Variants in SPOCK3 observed in about 807,000 individuals in gnomAD.
SPOCK3 encodes the protein testican-3.
SPOCK3 carries 30 observed loss-of-function variants against 56.6 expected under a neutral mutation model. The ratio of observed to expected loss-of-function variants is 0.53; its 90% CI spans 0.40 to 0.72. The LOEUF (loss-of-function observed/expected upper bound fraction) is 0.72. Ranked by LOEUF, SPOCK3 falls within the 30% of genes least tolerant of loss-of-function variation. The probability of loss-of-function intolerance (pLI) is 0.00; values close to 1 mark genes in which losing one functional copy is unlikely to be tolerated. For synonymous variants in SPOCK3, 196 were observed against 183.3 expected (o/e 1.07, Z -0.56); for missense variants, 527 against 530.0 (o/e 0.99, Z 0.06).
intron 4 of SPOCK3, among the ~76,000 whole-genome samples, chr4:166,917,573 T>C (rs927019151): frequency 2.0e-5 from 3 of 152,194 alleles, no homozygotes; most frequent in Admixed American, 1.3e-4. Context: ...TCTAAAAATC[T>C]GACTTAAAAT....
intron 4 of SPOCK3, among the ~76,000 whole-genome samples, chr4:166,951,309 C>A (rs1415405790): frequency 2.2e-5 from 3 of 137,104 alleles, no homozygotes; most frequent in Admixed American, 2.1e-4. Flanking sequence ...AACACCTCTA[C>A]GCAAAAAAAC....
At chr4:166,877,055 A>C (rs1733169932) in intron 6 of SPOCK3, among the ~76,000 whole-genome samples, 1 of 152,158 alleles carries the variant, frequency 6.6e-6, no homozygotes, top group Admixed American at 6.5e-5. Flanking sequence ...GTTACAATAG[A>C]AACAACCAAA....
intron 2 of SPOCK3, among the ~76,000 whole-genome samples, chr4:167,130,177 C>T (rs1762591581): frequency 6.6e-6 from 1 of 152,056 alleles, no homozygotes; most frequent in South Asian, 2.1e-4. Flanking sequence ...TGTTGCCCAA[C>T]CTGGTCTCAA....
At chr4:166,807,337 G>A (rs1486945264) in intron 6 of SPOCK3, among the ~76,000 whole-genome samples, 1 of 151,754 alleles carries the variant, frequency 6.6e-6, no homozygotes, top group African/African-American at 2.4e-5. Context: ...CAGGGTCAGT[G>A]GATTCTCAAG....
At chr4:167,014,844 T>C (rs1750453803) in intron 3 of SPOCK3, among the ~76,000 whole-genome samples, 2 of 152,024 alleles carry the variant, frequency 1.3e-5, no homozygotes, top group Non-Finnish European at 2.9e-5. Context: ...GTGAGAGAAA[T>C]GTTCTTAAAT....
At position 166,792,292 on chromosome 4, in the gene SPOCK3, A is replaced by C; in HGVS notation, c.590-3T>G. ...CCTGAACTCCAGGTCACTGCATGCT[A>C]AAAACAGAGAAACAACACAAGTCTT... On this transcript the variant is annotated splice_polypyrimidine_tract_variant and splice_region_variant and intron_variant, in intron 6 of 10. Coordinates refer to ENST00000357545, the MANE Select transcript of SPOCK3 (RefSeq NM_001040159.2). The C allele has an allele frequency of 6.2e-7, 1 of 1,613,466 alleles. No homozygotes were observed. Among genetic ancestry groups the C allele is most frequent in the Non-Finnish European group, 8.5e-7 (1 of 1,179,510 alleles).
chr4:166,912,517 A>G, intron 5 of SPOCK3, 103 bp downstream of exon 5: 1 of 1,129,446 alleles, frequency 8.9e-7, no homozygotes. Flanking sequence ...TTATAAGTTA[A>G]ATGAATAATT....
intron 8 of SPOCK3, among the ~76,000 whole-genome samples, chr4:166,744,493 A>C (rs888013954): frequency 1.3e-5 from 2 of 152,184 alleles, no homozygotes; most frequent in African/African-American, 4.8e-5. Context: ...ACCATCATCA[A>C]AGACCAAAGG....
intron 2 of SPOCK3, among the ~76,000 whole-genome samples, chr4:167,211,449 G>A (rs982241365): frequency 1.4e-4 from 22 of 152,092 alleles, no homozygotes; most frequent in African/African-American, 4.6e-4. Context: ...GGCCAGGGGC[G>A]GAATGACATG....
chr4:166,894,777 T>G (rs1464914639), intron 5 of SPOCK3, among the ~76,000 whole-genome samples: 2 of 152,176 alleles, frequency 1.3e-5, no homozygotes, highest in Admixed American at 1.3e-4. Flanking sequence ...TTCTCTCAGA[T>G]GTACTATATC....
At chr4:166,826,701 TC>T (rs1202153665) in intron 6 of SPOCK3, among the ~76,000 whole-genome samples, 1 of 152,172 alleles carries the variant, frequency 6.6e-6, no homozygotes, top group Non-Finnish European at 1.5e-5. Flanking sequence ...AATGCCCACA[TC>T]CCATATTTCT....
At chr4:167,216,695 CA>C (rs1438382260) in intron 2 of SPOCK3, among the ~76,000 whole-genome samples, 1 of 152,050 alleles carries the variant, frequency 6.6e-6, no homozygotes, top group Non-Finnish European at 1.5e-5. Flanking sequence ...TGGCATTGCA[CA>C]GCTCACTTTT....
In SPOCK3 at chr4:166,745,693, C is replaced by T. The variant is rs189631526; in HGVS notation, c.932-3634G>A. On this transcript the variant is annotated intron_variant, in intron 8 of 10. Coordinates refer to ENST00000357545, the MANE Select transcript of SPOCK3 (RefSeq NM_001040159.2). ...GCCCCAGTTAAAAGACACAGACTGG[C>T]AAGTTGGATAAAGAGTCAAGACCCA... 6.1e-3 allele frequency among the ~76,000 whole-genome samples: 930 copies of T among 152,242 alleles called. 10 individuals carry two copies. Among genetic ancestry groups the T allele is most frequent in the African/African-American group, 0.021 (877 of 41,546 alleles).
At chr4:167,104,191 G>A (rs868719886) in intron 2 of SPOCK3, among the ~76,000 whole-genome samples, 1 of 152,086 alleles carries the variant, frequency 6.6e-6, no homozygotes, top group Non-Finnish European at 1.5e-5. Flanking sequence ...AACGTCAACA[G>A]CCATCAAGAC....
intron 2 of SPOCK3, among the ~76,000 whole-genome samples, chr4:167,161,660 A>G (rs936261041): frequency 2.4e-4 from 37 of 152,108 alleles, no homozygotes; most frequent in Non-Finnish European, 4.3e-4. Flanking sequence ...ACAATGATAG[A>G]CTGGATTAAG....
intron 3 of SPOCK3, among the ~76,000 whole-genome samples, chr4:167,020,277 T>C (rs1243535448): frequency 6.6e-6 from 1 of 152,064 alleles, no homozygotes; most frequent in East Asian, 1.9e-4. Context: ...CATATAACTT[T>C]TAAGGCAGAT....
chr4:166,924,085 T>G (rs181305220), intron 4 of SPOCK3, among the ~76,000 whole-genome samples: 5 of 152,266 alleles, frequency 3.3e-5, no homozygotes, highest in Admixed American at 6.5e-5. Context: ...CATCCAAGGT[T>G]GACATTAGCT....
At chr4:166,889,088 G>C in intron 6 of SPOCK3, 42 bp downstream of exon 6, 1 of 1,205,454 alleles carries the variant, frequency 8.3e-7, no homozygotes, top group Non-Finnish European at 1.2e-6. Context: ...TTTTAGTAGA[G>C]AGTGATGAAT....
intron 4 of SPOCK3, among the ~76,000 whole-genome samples, chr4:166,982,685 T>C (rs1561083034): frequency 6.6e-6 from 1 of 152,252 alleles, no homozygotes; most frequent in African/African-American, 2.4e-5. Context: ...TTTGGATTTT[T>C]TTATTATGTT....
Sources: gnomAD v4.1 joint callset for allele counts (sites outside exome capture counted in the v4.1 genomes callset) on GRCh38, gnomAD v4.1.1 for gene constraint, MANE v1.5 for transcripts, NCBI Gene and HGNC (gene_info 2026-07-23, HGNC 2026-07-21) for gene names.